Variants in CSMD1 observed in about 807,000 individuals in gnomAD.
CSMD1 encodes the protein CUB and sushi domain-containing protein 1.
A neutral mutation model predicts 417.5 loss-of-function variants in CSMD1; 213 were observed. That is an observed-to-expected ratio of 0.51 (90% CI 0.46 to 0.57). The LOEUF (loss-of-function observed/expected upper bound fraction) is 0.57. Ranked by LOEUF, CSMD1 falls within the 20% of genes least tolerant of loss-of-function variation. The probability of loss-of-function intolerance (pLI) is 0.00; values close to 1 mark genes in which losing one functional copy is unlikely to be tolerated. For synonymous variants in CSMD1, 2,862 were observed against 1,736.8 expected (o/e 1.65, Z -16.11); for missense variants, 6,923 against 4,529.7 (o/e 1.53, Z -15.17).
chr8:4,790,492 A>C (rs1797631882), intron 1 of CSMD1, among the ~76,000 whole-genome samples: 1 of 152,224 alleles, frequency 6.6e-6, no homozygotes, highest in Non-Finnish European at 1.5e-5. Context: ...TCTAAAATTT[A>C]TTTGGAACCA....
intron 2 of CSMD1, among the ~76,000 whole-genome samples, chr8:4,526,368 G>T (rs943022217): frequency 6.6e-6 from 1 of 152,204 alleles, no homozygotes; most frequent in Non-Finnish European, 1.5e-5. Context: ...CATGAAGATC[G>T]TGGTCTCCTC....
chr8:4,115,784 G>C (rs369835094), intron 3 of CSMD1, among the ~76,000 whole-genome samples: 1 of 151,836 alleles, frequency 6.6e-6, no homozygotes, highest in African/African-American at 2.4e-5. Context: ...GCCATGAAAA[G>C]TCATGGTGGA....
chr8:4,679,868 T>C (rs1464132981), intron 1 of CSMD1, among the ~76,000 whole-genome samples: 1 of 152,160 alleles, frequency 6.6e-6, no homozygotes, highest in Admixed American at 6.5e-5. Flanking sequence ...ATACAATGCA[T>C]AATAAATGCA....
intron 5 of CSMD1, among the ~76,000 whole-genome samples, chr8:3,832,581 C>CA (rs756479881): frequency 5.3e-5 from 8 of 151,898 alleles, no homozygotes; most frequent in Non-Finnish European, 1.0e-4. Flanking sequence ...CGTAAAAAAA[C>CA]AAAAACAGAA....
chr8:4,298,058 T>C (rs530937177), intron 3 of CSMD1, among the ~76,000 whole-genome samples: 1 of 152,126 alleles, frequency 6.6e-6, no homozygotes, highest in Non-Finnish European at 1.5e-5. Context: ...TCACTACCAG[T>C]ACATGCTAGC....
intron 3 of CSMD1, among the ~76,000 whole-genome samples, chr8:4,252,213 G>T (rs962126637): frequency 6.6e-6 from 1 of 152,134 alleles, no homozygotes; most frequent in East Asian, 1.9e-4. Flanking sequence ...CAAGACAAAG[G>T]TAAACAGGCA....
At chr8:3,700,856 A>G (rs186883233) in intron 7 of CSMD1, among the ~76,000 whole-genome samples, 1 of 151,990 alleles carries the variant, frequency 6.6e-6, no homozygotes, top group East Asian at 1.9e-4. Context: ...CTGTGACGGG[A>G]AACGTTTGAG....
At chr8:4,280,712 G>C (rs907128455) in intron 3 of CSMD1, among the ~76,000 whole-genome samples, 1 of 152,086 alleles carries the variant, frequency 6.6e-6, no homozygotes, top group Non-Finnish European at 1.5e-5. Flanking sequence ...TAGCAATACC[G>C]TGTAAGCCAT....
intron 2 of CSMD1, among the ~76,000 whole-genome samples, chr8:4,561,256 C>A (rs767204603): frequency 2.6e-5 from 4 of 152,142 alleles, no homozygotes; most frequent in Non-Finnish European, 4.4e-5. Flanking sequence ...TGCCTGTAAT[C>A]CCAGCTACCT....
intron 25 of CSMD1, among the ~76,000 whole-genome samples, chr8:3,299,322 G>C (rs1804206983): frequency 2.0e-5 from 3 of 152,080 alleles, no homozygotes; most frequent in African/African-American, 2.4e-5. Context: ...CATGGTGGCA[G>C]ACACCTGTAA....
chr8:4,665,304 C>T (rs1030139040), intron 1 of CSMD1, among the ~76,000 whole-genome samples: 1 of 152,336 alleles, frequency 6.6e-6, no homozygotes, highest in African/African-American at 2.4e-5. Context: ...CTTCCTCTCC[C>T]TTTGCTGACT....
chr8:3,129,799 C>G (rs538014513), intron 41 of CSMD1, among the ~76,000 whole-genome samples: 1 of 152,012 alleles, frequency 6.6e-6, no homozygotes, highest in African/African-American at 2.4e-5. Flanking sequence ...GACCAGCCTG[C>G]CCAAGATGGT....
rs112707758 is a variant in CSMD1 at position 3,207,645 on chromosome 8, T to C, written c.4868-2025A>G. On this transcript the variant is annotated intron_variant, in intron 30 of 69. Transcript: ENST00000635120. ...CAAGAAATTTCCTGAATCCCTGCAT[T>C]ACAATCGCTTGAAAAACTTAAGTTG... Among the ~76,000 whole-genome samples, 488 of 152,224 alleles carry C rather than the reference T, an allele frequency of 3.2e-3. 5 individuals are homozygous for C. Among genetic ancestry groups the C allele is most frequent in the African/African-American group, 0.011 (456 of 41,540 alleles).
At chr8:4,531,541 G>A (rs955445838) in intron 2 of CSMD1, among the ~76,000 whole-genome samples, 1 of 152,138 alleles carries the variant, frequency 6.6e-6, no homozygotes, top group Non-Finnish European at 1.5e-5. Flanking sequence ...TGGAAGGAAG[G>A]TGTAACTACA....
At chr8:3,641,617 G>T (rs757834629) in intron 7 of CSMD1, among the ~76,000 whole-genome samples, 8 of 152,176 alleles carry the variant, frequency 5.3e-5, no homozygotes, top group Admixed American at 1.3e-4. Flanking sequence ...GTTATCACAA[G>T]ATTTCTGAGA....
At chr8:3,729,727 G>C (rs1458675612) in intron 6 of CSMD1, among the ~76,000 whole-genome samples, 3 of 151,902 alleles carry the variant, frequency 2.0e-5, no homozygotes, top group African/African-American at 7.3e-5. Flanking sequence ...TTCCACCAAA[G>C]CTCAGAGGAT....
At chr8:4,409,195 A>G (rs1465744108) in intron 3 of CSMD1, among the ~76,000 whole-genome samples, 1 of 152,208 alleles carries the variant, frequency 6.6e-6, no homozygotes, top group Admixed American at 6.5e-5. Context: ...AAAATTATCT[A>G]CAAAATGGAA....
At chr8:4,485,502 C>G (rs999197506) in intron 2 of CSMD1, among the ~76,000 whole-genome samples, 3 of 152,148 alleles carry the variant, frequency 2.0e-5, no homozygotes, top group African/African-American at 4.8e-5. Context: ...TTCTTCAGTT[C>G]CTGATCTTAC....
At chr8:4,161,765 T>A (rs1200443710) in intron 3 of CSMD1, among the ~76,000 whole-genome samples, 1 of 152,170 alleles carries the variant, frequency 6.6e-6, no homozygotes, top group Admixed American at 6.5e-5. Flanking sequence ...TTTCAAGGAA[T>A]CAGATATTTT....
Sources: gnomAD v4.1 joint callset for allele counts (sites outside exome capture counted in the v4.1 genomes callset) on GRCh38, gnomAD v4.1.1 for gene constraint, MANE v1.5 for transcripts, NCBI Gene and HGNC (gene_info 2026-07-23, HGNC 2026-07-21) for gene names.